The following CFAP299 variants were observed in gnomAD, a reference collection of about 807,000 sequenced individuals.
The protein encoded by CFAP299 is cilia- and flagella-associated protein 299.
CFAP299 carries 21 observed loss-of-function variants against 27.0 expected under a neutral mutation model. The ratio of observed to expected loss-of-function variants is 0.78; its 90% CI spans 0.55 to 1.12. The LOEUF (loss-of-function observed/expected upper bound fraction) is 1.12, where lower values mean the gene tolerates loss of function less well. Ranked by LOEUF, CFAP299 falls within the 50% of genes most tolerant of loss-of-function variation. The probability of loss-of-function intolerance (pLI) is 0.00; values close to 1 mark genes in which losing one functional copy is unlikely to be tolerated. For synonymous variants in CFAP299, 104 were observed against 98.1 expected (o/e 1.06, Z -0.36); for missense variants, 310 against 276.6 (o/e 1.12, Z -0.86).
intron 5 of CFAP299, among the ~76,000 whole-genome samples, chr4:80,945,302 G>A (rs1737418113): frequency 6.6e-6 from 1 of 152,180 alleles, no homozygotes; most frequent in African/African-American, 2.4e-5. Flanking sequence ...TCAGAGAAGG[G>A]AGATTCTGAA....
At chr4:80,673,916 CTT>C (rs1719206833) in intron 3 of CFAP299, among the ~76,000 whole-genome samples, 2 of 137,942 alleles carry the variant, frequency 1.4e-5, no homozygotes, top group South Asian at 4.6e-4. Context: ...TTATGTGTGT[CTT>C]TGCACATGGG....
chr4:80,479,052 G>A (rs577846163), intron 2 of CFAP299, among the ~76,000 whole-genome samples: 6 of 151,900 alleles, frequency 3.9e-5, no homozygotes, highest in Admixed American at 3.9e-4. Context: ...GGTATAAATT[G>A]TAATTTATAT....
chr4:80,749,566 A>C (rs1372874711), intron 3 of CFAP299, among the ~76,000 whole-genome samples: 2 of 152,202 alleles, frequency 1.3e-5, no homozygotes, highest in Non-Finnish European at 2.9e-5. Flanking sequence ...AAACTTCAAA[A>C]CTCAGGAAGC....
chr4:80,372,207 C>G (rs901493216), intron 2 of CFAP299, among the ~76,000 whole-genome samples: 3 of 152,124 alleles, frequency 2.0e-5, no homozygotes, highest in Non-Finnish European at 4.4e-5. Flanking sequence ...GAGGAGGTGC[C>G]ACACATTTTT....
intron 3 of CFAP299, among the ~76,000 whole-genome samples, chr4:80,688,160 G>T (rs1003369553): frequency 3.9e-5 from 6 of 152,334 alleles, no homozygotes; most frequent in Admixed American, 3.9e-4. Context: ...CAAAGCAGCC[G>T]GGAAGCTCGA....
chr4:80,359,966 A>G (rs1213790044), intron 1 of CFAP299, among the ~76,000 whole-genome samples: 1 of 152,074 alleles, frequency 6.6e-6, no homozygotes, highest in Non-Finnish European at 1.5e-5. Flanking sequence ...TGTACTTTCA[A>G]TTTTTGAGGT....
At chr4:80,956,173 G>A (rs1167782059) in intron 5 of CFAP299, among the ~76,000 whole-genome samples, 2 of 152,084 alleles carry the variant, frequency 1.3e-5, no homozygotes, top group Non-Finnish European at 2.9e-5. Flanking sequence ...TTCTAAAATG[G>A]AACCTGCTTA....
chr4:80,957,495 G>T (rs527315804), intron 5 of CFAP299, among the ~76,000 whole-genome samples: 1 of 151,806 alleles, frequency 6.6e-6, no homozygotes, highest in African/African-American at 2.4e-5. Context: ...AATTAATGAG[G>T]GACCAGTAAG....
chr4:80,371,974 A>G (rs1225072517), intron 2 of CFAP299, among the ~76,000 whole-genome samples: 1 of 152,122 alleles, frequency 6.6e-6, no homozygotes, highest in African/African-American at 2.4e-5. Flanking sequence ...CCTAGTACCC[A>G]TTTTCTGTAT....
intron 4 of CFAP299, among the ~76,000 whole-genome samples, chr4:80,891,830 G>GAGAAAAAA (rs1734313552): frequency 1.9e-5 from 1 of 53,998 alleles, no homozygotes; most frequent in African/African-American, 6.5e-5. Flanking sequence ...TAGATTAAAG[G>GAGAAAAAA]AAAAAAAAAA....
At chr4:80,613,998 GTA>G (rs1001726251) in intron 3 of CFAP299, among the ~76,000 whole-genome samples, 1 of 152,104 alleles carries the variant, frequency 6.6e-6, no homozygotes, top group African/African-American at 2.4e-5. Flanking sequence ...TTTATTTAAT[GTA>G]TTATTATTGT....
chr4:80,492,798 G>A (rs1032033247), intron 2 of CFAP299, among the ~76,000 whole-genome samples: 1 of 152,160 alleles, frequency 6.6e-6, no homozygotes, highest in African/African-American at 2.4e-5. Context: ...CTACAGGAAA[G>A]GCAAAGCAAG....
intron 2 of CFAP299, among the ~76,000 whole-genome samples, chr4:80,437,367 C>T (rs1030021847): frequency 3.3e-5 from 5 of 152,072 alleles, no homozygotes; most frequent in Admixed American, 2.0e-4. Flanking sequence ...GTAATGAATG[C>T]GGCAGGAGAC....
chr4:80,419,462 A>G (rs759046053), intron 2 of CFAP299, among the ~76,000 whole-genome samples: 5 of 152,168 alleles, frequency 3.3e-5, no homozygotes, highest in Non-Finnish European at 5.9e-5. Flanking sequence ...TTTAGCAGTG[A>G]AACTCTGCCA....
chr4:80,769,336 TA>T (rs1578106627), intron 3 of CFAP299, among the ~76,000 whole-genome samples: 1 of 152,182 alleles, frequency 6.6e-6, no homozygotes, highest in East Asian at 1.9e-4. Flanking sequence ...GCTCGTTGGG[TA>T]TATTCATTTT....
intron 2 of CFAP299, among the ~76,000 whole-genome samples, chr4:80,486,185 G>A (rs1730811683): frequency 6.6e-6 from 1 of 152,132 alleles, no homozygotes; most frequent in Non-Finnish European, 1.5e-5. Context: ...CAAGTTAGTA[G>A]TGGAAATGGA....
intron 3 of CFAP299, among the ~76,000 whole-genome samples, chr4:80,609,269 TAA>T (rs1737841899): frequency 6.6e-6 from 1 of 152,080 alleles, no homozygotes; most frequent in South Asian, 2.1e-4. Context: ...AACTTCCAGT[TAA>T]GTCAAAATAA....
chr4:80,665,909 A>C (rs891894998), intron 3 of CFAP299, among the ~76,000 whole-genome samples: 2 of 152,088 alleles, frequency 1.3e-5, no homozygotes, highest in African/African-American at 4.8e-5. Context: ...TGCTCCTGCC[A>C]CGTGAGATGC....
At chr4:80,649,884 T>C (rs1460407121) in intron 3 of CFAP299, among the ~76,000 whole-genome samples, 1 of 152,120 alleles carries the variant, frequency 6.6e-6, no homozygotes, top group African/African-American at 2.4e-5. Context: ...TCTTTAGGTG[T>C]TAGGGAGTTT....
Sources: allele counts gnomAD v4.1 joint callset (sites outside exome capture counted in the v4.1 genomes callset), GRCh38; gene constraint gnomAD v4.1.1; transcripts MANE v1.5; gene names NCBI Gene and HGNC (gene_info 2026-07-23, HGNC 2026-07-21).